XRN1: variants seen among roughly 807,000 people sequenced by gnomAD.
XRN1 encodes strand-exchange protein 1 homolog.
Under a neutral mutation model 222.3 loss-of-function variants are expected in XRN1, and 67 were observed. The observed-to-expected ratio is 0.30, with a 90% CI of 0.25 to 0.37. The LOEUF is 0.37. Among genes scored for constraint, XRN1 ranks in the 10% least tolerant of loss-of-function variants. XRN1 has a pLI of 1.00. For synonymous variants in XRN1, 643 were observed against 652.4 expected (o/e 0.99, Z 0.22); for missense variants, 1,707 against 2,000.2 (o/e 0.85, Z 2.80).
chr3:142,361,696 T>C (rs565612751), intron 29 of XRN1, among the ~76,000 whole-genome samples: 2 of 152,292 alleles, frequency 1.3e-5, no homozygotes, highest in African/African-American at 4.8e-5. Flanking sequence ...ACGAATGATG[T>C]TGAGCATCTT....
At chr3:142,413,669 C>T (rs7622137) in intron 14 of XRN1, among the ~76,000 whole-genome samples, 1,891 of 152,260 alleles carry the variant, frequency 0.012, 45 homozygotes, top group African/African-American at 0.042. Context: ...CCAAAGAAAG[C>T]TTTTTATTTC....
Position 142,405,058 on chromosome 3 carries a change from T to A in XRN1, c.1732A>T (p.Met578Leu). ...TTGAGGGAGTGGTTACATGTCTCCA[T>A]GGCTTCCAATAATCGCTTCTGAATA... ...FIDEKRLLEA[M>L]ETCNHSLKKE... The change falls in exon 16 of 41, where the codon ATG becomes TTG. Residue 578 changes from methionine (M) to leucine (L), a missense_variant. By Grantham distance (15) the Met-to-Leu change is conservative (BLOSUM62 2). Coordinates refer to ENST00000392981, the MANE Select transcript of XRN1 (RefSeq NM_001282857.2). 1 of 1,613,974 alleles carries A rather than the reference T, an allele frequency of 6.2e-7. No individual in the cohort carries two copies. The highest frequency in any genetic ancestry group is 8.5e-7 in the Non-Finnish European group (1 of 1,179,860).
At chr3:142,314,904 CAAAAAAA>C (rs776430519) in intron 39 of XRN1, among the ~76,000 whole-genome samples, 62 of 22,298 alleles carry the variant, frequency 2.8e-3, no homozygotes, top group Admixed American at 7.1e-3. Flanking sequence ...GACTCTGTCT[CAAAAAAA>C]AAAAAAAAAA....
At position 142,330,692 on chromosome 3, in the gene XRN1, T is replaced by A. The variant is rs531992601; in HGVS notation, c.4223-1077A>T. On this transcript the variant is annotated intron_variant, in intron 36 of 40. Coordinates refer to ENST00000392981, the MANE Select transcript of XRN1 (RefSeq NM_001282857.2). ...TAATTTTGTCTTAAAATTAATTTGG[T>A]TCTATTTCAGGACCATGTCTGTCAC... 2.0e-5 allele frequency among the ~76,000 whole-genome samples: 3 copies of A among 152,214 alleles called. No homozygotes were observed. The South Asian group carries it at 6.2e-4, about 32-fold the overall frequency.
rs1190154983 is a variant in XRN1, at chr3:142,422,684, C to T, written c.865G>A (p.Val289Ile). ...IDDWILMGFLVGNDFIPHLPH... is the reference protein window; with the variant it reads ...IDDWILMGFLIGNDFIPHLPH... Reference sequence around the variant, plus strand: ...AGATGAGGGATAAAATCATTACCAACAAGAAACCCCATCAAAATCCAATCA... The same window carrying T: ...AGATGAGGGATAAAATCATTACCAATAAGAAACCCCATCAAAATCCAATCA... Residue 289 changes from valine to isoleucine, a missense_variant, in exon 8 of 41, where the codon GTT becomes ATT. Around this residue, in one of 2 missense-constraint regions of XRN1, gnomAD observed 1,234 missense variants for 1,518.2 expected, o/e 0.81. Coordinates refer to ENST00000392981, the MANE Select transcript of XRN1 (RefSeq NM_001282857.2). 6.2e-7 allele frequency: 1 copy of T among 1,612,386 alleles called. No homozygotes were observed. The highest frequency in any genetic ancestry group is 8.5e-7 in the Non-Finnish European group (1 of 1,178,620).
intron 29 of XRN1, among the ~76,000 whole-genome samples, chr3:142,360,792 T>C (rs2066600654): frequency 6.8e-6 from 1 of 147,046 alleles, no homozygotes; most frequent in Admixed American, 6.9e-5. Context: ...GAGAATGGCA[T>C]GAACTCGGGA....
At position 142,332,966 on chromosome 3, in the gene XRN1, C is replaced by A. The variant is rs999950155; in HGVS notation, c.4062+1G>T. ...TAAGAAAGTTCCTACAAAATACGAA[C>A]CATGGCAAATGACTGTGGTGACAAA... On this transcript the variant is annotated splice_donor_variant, in intron 35 of 40. Coordinates refer to ENST00000392981, the MANE Select transcript of XRN1 (RefSeq NM_001282857.2). LOFTEE classifies it high-confidence loss of function. 3.1e-6 allele frequency: 5 copies of A among 1,612,808 alleles called. No homozygotes were observed. Among genetic ancestry groups the A allele is most frequent in the Non-Finnish European group, 4.2e-6 (5 of 1,179,388 alleles).
At chr3:142,434,275 T>C (rs1221982780) in intron 1 of XRN1, among the ~76,000 whole-genome samples, 5 of 152,150 alleles carry the variant, frequency 3.3e-5, no homozygotes. Context: ...ACCTTCAGTG[T>C]AGCTGGGACC....
At chr3:142,404,516 T>G (rs1182462122) in intron 16 of XRN1, among the ~76,000 whole-genome samples, 1 of 152,152 alleles carries the variant, frequency 6.6e-6, no homozygotes, top group Non-Finnish European at 1.5e-5. Flanking sequence ...TTCTTTCTAG[T>G]TGGGTGGCTG....
At chr3:142,355,207 T>G (rs1003061267) in intron 32 of XRN1, 194 bp downstream of exon 32, 2 of 316,190 alleles carry the variant, frequency 6.3e-6, no homozygotes, top group Non-Finnish European at 1.1e-5. Flanking sequence ...GTAACAAACC[T>G]GTACATGTAT....
chr3:142,397,217 G>T, intron 20 of XRN1, 112 bp downstream of exon 20: 1 of 994,078 alleles, frequency 1.0e-6, no homozygotes, highest in Non-Finnish European at 1.4e-6. Context: ...CAGGATGAAG[G>T]TGTAATTAGT....
chr3:142,418,702 C>T (rs1192526914), intron 11 of XRN1, 93 bp from the exon 12 acceptor site: 29 of 1,423,134 alleles, frequency 2.0e-5, no homozygotes, highest in Non-Finnish European at 2.6e-5. Context: ...CAAGTTGATG[C>T]TTATATGCTA....
At chr3:142,415,902 T>C (rs968691621) in intron 13 of XRN1, among the ~76,000 whole-genome samples, 1 of 152,156 alleles carries the variant, frequency 6.6e-6, no homozygotes, top group African/African-American at 2.4e-5. Flanking sequence ...GGTTTGAAAA[T>C]GCAGATGGGA....
At chr3:142,420,877 C>A in intron 10 of XRN1, 139 bp downstream of exon 10, 2 of 1,059,906 alleles carry the variant, frequency 1.9e-6, no homozygotes, top group Non-Finnish European at 2.7e-6. Context: ...GAAACCAAAT[C>A]AATTTCTGAA....
At position 142,334,439 on chromosome 3, in the gene XRN1, C is replaced by T. The variant is rs141111283; in HGVS notation, c.3939+1009G>A. Among the ~76,000 whole-genome samples the T allele has an allele frequency of 6.6e-5, 10 of 151,502 alleles. No homozygotes were observed. In the East Asian group the frequency reaches 1.7e-3, roughly 26 times the overall value. On this transcript the variant is annotated intron_variant, in intron 34 of 40. Coordinates refer to ENST00000392981, the MANE Select transcript of XRN1 (RefSeq NM_001282857.2). ...GAAAAGTACACATCTAATAAATATACGTGTCAAATTTTTTTAGATCAAAGA... is the reference window on the plus strand; with the variant it reads ...GAAAAGTACACATCTAATAAATATATGTGTCAAATTTTTTTAGATCAAAGA...
intron 39 of XRN1, chr3:142,313,161 A>G: frequency 6.2e-7 from 1 of 1,613,106 alleles, no homozygotes; most frequent in Non-Finnish European, 8.5e-7. Flanking sequence ...AGTTGCTTCC[A>G]TAGTGATCCC....
intron 37 of XRN1, among the ~76,000 whole-genome samples, chr3:142,325,769 T>C (rs916965056): frequency 6.6e-6 from 1 of 152,150 alleles, no homozygotes; most frequent in African/African-American, 2.4e-5. Context: ...GTTTCCCCAG[T>C]GTTTACTTCC....
In XRN1 at chr3:142,311,721, A is replaced by C. The variant is rs201560849; in HGVS notation, c.4875T>G (p.Asp1625Glu). The C allele has an allele frequency of 3.2e-4, 519 of 1,614,080 alleles. 1 individual carries two copies. Among genetic ancestry groups the C allele is most frequent in the Non-Finnish European group, 1.6e-4 (183 of 1,180,016 alleles). ...QATPVQTSQP[D>E]SSNIVKVSPR... ...GACTTACTTTGACAATGTTGGAAGA[A>C]TCTGGCTGGCTAGTCTGAACTGGAG... Residue 1625 changes from aspartate to glutamate, a missense_variant, in exon 41 of 41, where the codon GAT becomes GAG. Around this residue, in one of 2 missense-constraint regions of XRN1, gnomAD observed 473 missense variants for 482.0 expected, o/e 0.98. Coordinates refer to ENST00000392981, the MANE Select transcript of XRN1 (RefSeq NM_001282857.2).
At chr3:142,338,497 A>T (rs984574029) in intron 33 of XRN1, among the ~76,000 whole-genome samples, 1 of 152,160 alleles carries the variant, frequency 6.6e-6, no homozygotes, top group Non-Finnish European at 1.5e-5. Flanking sequence ...AGTCTGAGAC[A>T]TGCTGGCTTC....
Sources: allele counts gnomAD v4.1 joint callset (sites outside exome capture counted in the v4.1 genomes callset), GRCh38; gene constraint gnomAD v4.1.1; regional missense constraint gnomAD v4.1.1; transcripts MANE v1.5; gene names NCBI Gene and HGNC (gene_info 2026-07-23, HGNC 2026-07-21).